WDPCP: variants seen among roughly 807,000 people sequenced by gnomAD.
WDPCP encodes WD repeat-containing and planar cell polarity effector protein fritz homolog.
Under a neutral mutation model 93.1 loss-of-function variants are expected in WDPCP, and 71 were observed. The ratio of observed to expected loss-of-function variants is 0.76; its 90% CI spans 0.63 to 0.93. The LOEUF (loss-of-function observed/expected upper bound fraction) is 0.93, where lower values mean the gene tolerates loss of function less well. Ranked by LOEUF, WDPCP falls within the 40% of genes least tolerant of loss-of-function variation. The pLI is 0.00. For synonymous variants in WDPCP, 315 were observed against 315.0 expected (o/e 1.00, Z 0.00); for missense variants, 844 against 887.4 (o/e 0.95, Z 0.62).
intron 2 of WDPCP, among the ~76,000 whole-genome samples, chr2:63,781,034 A>C (rs1670384331): frequency 6.6e-6 from 1 of 152,164 alleles, no homozygotes; most frequent in Non-Finnish European, 1.5e-5. Flanking sequence ...ACAATAGAAA[A>C]TTGAAGAACC....
chr2:63,409,961 G>A (rs1415453371), intron 9 of WDPCP, among the ~76,000 whole-genome samples: 3 of 152,164 alleles, frequency 2.0e-5, no homozygotes, highest in Admixed American at 6.5e-5. Context: ...AAACAAAATT[G>A]GGAGAATAAT....
intron 2 of WDPCP, among the ~76,000 whole-genome samples, chr2:63,760,764 C>T (rs900067455): frequency 6.6e-6 from 1 of 152,162 alleles, no homozygotes; most frequent in Non-Finnish European, 1.5e-5. Context: ...CTGACTAACA[C>T]TGTGGTTCTA....
intron 14 of WDPCP, among the ~76,000 whole-genome samples, chr2:63,253,135 G>A (rs1037245372): frequency 6.6e-6 from 1 of 151,944 alleles, no homozygotes. Context: ...TCTGATCTTC[G>A]ACAGTCAAGA....
intron 15 of WDPCP, among the ~76,000 whole-genome samples, chr2:63,167,804 A>G (rs568729096): frequency 6.6e-6 from 1 of 152,258 alleles, no homozygotes; most frequent in South Asian, 2.1e-4. Flanking sequence ...TGCCTACTTG[A>G]TCTATTCTGT....
At chr2:63,179,205 G>GA (rs552500748) in intron 14 of WDPCP, among the ~76,000 whole-genome samples, 44,861 of 137,910 alleles carry the variant, frequency 0.33, 7,956 homozygotes, top group Non-Finnish European at 0.41. Flanking sequence ...GTCTCGGGGG[G>GA]AAAAAAAAAA....
At chr2:63,212,329 A>C (rs1676893355) in intron 14 of WDPCP, among the ~76,000 whole-genome samples, 1 of 152,220 alleles carries the variant, frequency 6.6e-6, no homozygotes, top group African/African-American at 2.4e-5. Context: ...TCTTAAAGAA[A>C]AGAATTTTCA....
chr2:63,801,425 G>A (rs1670691927), intron 2 of WDPCP, among the ~76,000 whole-genome samples: 1 of 152,156 alleles, frequency 6.6e-6, no homozygotes, highest in Non-Finnish European at 1.5e-5. Flanking sequence ...GGGAGGCAAA[G>A]AGTGAGGAGC....
chr2:63,258,939 C>A (rs532950929), intron 14 of WDPCP, among the ~76,000 whole-genome samples: 1 of 152,186 alleles, frequency 6.6e-6, no homozygotes, highest in Non-Finnish European at 1.5e-5. Flanking sequence ...GGAGAGAATT[C>A]TTTTGAGAAA....
chr2:63,333,600 A>G (rs1243085762), intron 12 of WDPCP, among the ~76,000 whole-genome samples: 1 of 152,226 alleles, frequency 6.6e-6, no homozygotes, highest in Non-Finnish European at 1.5e-5. Flanking sequence ...ATGTCTTCAG[A>G]TACACTCAAC....
intron 1 of WDPCP, among the ~76,000 whole-genome samples, chr2:63,500,449 G>A (rs1701473155): frequency 1.0e-5 from 1 of 96,610 alleles, no homozygotes; most frequent in African/African-American, 4.7e-5. Context: ...AGAAAATGGT[G>A]TGGGGGTGTG....
chr2:63,330,750 C>T (rs1000555333), intron 12 of WDPCP, among the ~76,000 whole-genome samples: 2 of 151,664 alleles, frequency 1.3e-5, no homozygotes, highest in African/African-American at 4.8e-5. Flanking sequence ...TTTAAGTTAA[C>T]TTGCTTGTAT....
chr2:63,388,266 G>T (rs1434088069), intron 10 of WDPCP, among the ~76,000 whole-genome samples: 1 of 152,080 alleles, frequency 6.6e-6, no homozygotes, highest in Non-Finnish European at 1.5e-5. Context: ...ACAGGGTCTG[G>T]AGTGGACCTC....
chr2:63,547,430 A>T (rs1437026092), intron 1 of WDPCP, among the ~76,000 whole-genome samples: 1 of 152,178 alleles, frequency 6.6e-6, no homozygotes, highest in African/African-American at 2.4e-5. Flanking sequence ...AAAAGAAAGG[A>T]AATCAATATA....
rs919480484 is a variant in WDPCP, at chr2:63,530,943, C to T, written c.76-38003G>A. On this transcript the variant is annotated intron_variant, in intron 1 of 17. Transcript: ENST00000272321. ...TGGGGAATTCCCTTTCCTAGCCAAG[C>T]GAAGCAGTAACAGACAGTACATGGG... Among the ~76,000 whole-genome samples the T allele has an allele frequency of 5.9e-5, 9 of 152,308 alleles. No individual in the cohort carries two copies. The South Asian group carries it at 1.9e-3, about 32-fold the overall frequency.
chr2:63,643,964 G>GT, intron 3 of WDPCP: 1 of 487,160 alleles, frequency 2.1e-6, no homozygotes, highest in Non-Finnish European at 4.2e-6. Context: ...TGGATGAGGA[G>GT]TAAACACACC....
chr2:63,289,957 T>C (rs1684283317), intron 13 of WDPCP, among the ~76,000 whole-genome samples: 1 of 151,944 alleles, frequency 6.6e-6, no homozygotes, highest in South Asian at 2.1e-4. Context: ...ATTTGTGTCA[T>C]AATAATTAAA....
At chr2:63,368,525 C>G (rs1691119804) in intron 12 of WDPCP, among the ~76,000 whole-genome samples, 1 of 151,712 alleles carries the variant, frequency 6.6e-6, no homozygotes, top group African/African-American at 2.4e-5. Context: ...AGGGTTTTAC[C>G]ATGTTGGCCG....
At chr2:63,440,828 T>C (rs1697458169) in intron 6 of WDPCP, 1 of 152,528 alleles carries the variant, frequency 6.6e-6, no homozygotes, top group Non-Finnish European at 1.5e-5. Flanking sequence ...AAAGACAACT[T>C]TGATTTTAAA....
chr2:63,732,484 G>A (rs1047201609), intron 2 of WDPCP, among the ~76,000 whole-genome samples: 7 of 151,980 alleles, frequency 4.6e-5, no homozygotes, highest in South Asian at 4.2e-4. Context: ...TAAATATTGA[G>A]GACCTAAAAA....
Sources: gnomAD v4.1 joint callset for allele counts (sites outside exome capture counted in the v4.1 genomes callset) on GRCh38, gnomAD v4.1.1 for gene constraint, MANE v1.5 for transcripts, NCBI Gene and HGNC (gene_info 2026-07-23, HGNC 2026-07-21) for gene names.